TMEM132D: variants seen among roughly 807,000 people sequenced by gnomAD.
TMEM132D encodes the protein transmembrane protein 132D.
Under a neutral mutation model 62.3 loss-of-function variants are expected in TMEM132D, and 21 were observed. The observed-to-expected ratio is 0.34, with a 90% CI of 0.24 to 0.49. The LOEUF (loss-of-function observed/expected upper bound fraction) is 0.49, where lower values mean the gene tolerates loss of function less well. TMEM132D is among the 20% of genes least tolerant of loss of function. The pLI, the probability that TMEM132D is intolerant of heterozygous loss-of-function variation, is 0.99. For synonymous variants in TMEM132D, 621 were observed against 575.6 expected, an observed-to-expected ratio of 1.08 and a Z score of -1.13; for missense variants, 1,346 against 1,402.8, an observed-to-expected ratio of 0.96 and a Z score of 0.65.
chr12:129,699,721 C>G, intron 2 of TMEM132D, 89 bp downstream of exon 2: 1 of 1,516,704 alleles, frequency 6.6e-7, no homozygotes, highest in Non-Finnish European at 9.0e-7. Flanking sequence ...CTTCGGTGAG[C>G]GATAACACAG....
At chr12:129,871,390 G>A (rs967753965) in intron 1 of TMEM132D, among the ~76,000 whole-genome samples, 3 of 151,966 alleles carry the variant, frequency 2.0e-5, no homozygotes, top group African/African-American at 4.8e-5. Context: ...GTGGAAAGAG[G>A]GTGTCTCGAT....
At position 129,109,082 on chromosome 12, in the gene TMEM132D, G is replaced by A. The variant is rs1405421873; in HGVS notation, c.1444-24380C>T. ...CCAGAGATGGAAAACTACTATCACC[G>A]AACATGAACACAATTAAGTCCTTTT... On this transcript the variant is annotated intron_variant, in intron 5 of 8. Coordinates refer to ENST00000422113, the MANE Select transcript of TMEM132D (RefSeq NM_133448.3). 3.3e-5 allele frequency among the ~76,000 whole-genome samples: 5 copies of A among 152,264 alleles called. No homozygotes were observed. The South Asian group carries it at 8.3e-4, about 25-fold the overall frequency.
At chr12:129,447,377 C>A (rs1462978617) in intron 3 of TMEM132D, among the ~76,000 whole-genome samples, 1 of 152,154 alleles carries the variant, frequency 6.6e-6, no homozygotes, top group African/African-American at 2.4e-5. Context: ...CATTATTACA[C>A]TACTGTTAAG....
At chr12:129,608,644 C>T (rs1565921155) in intron 2 of TMEM132D, among the ~76,000 whole-genome samples, 2 of 152,154 alleles carry the variant, frequency 1.3e-5, no homozygotes, top group Non-Finnish European at 2.9e-5. Context: ...CTACATATTC[C>T]GTAGAAAAGC....
intron 4 of TMEM132D, among the ~76,000 whole-genome samples, chr12:129,308,049 T>G (rs1334958491): frequency 6.6e-6 from 1 of 152,168 alleles, no homozygotes; most frequent in Non-Finnish European, 1.5e-5. Flanking sequence ...TAAAATTCCC[T>G]CTATCTGCAA....
intron 4 of TMEM132D, among the ~76,000 whole-genome samples, chr12:129,287,075 G>A (rs1881322543): frequency 6.6e-6 from 1 of 151,724 alleles, no homozygotes; most frequent in African/African-American, 2.4e-5. Context: ...AAGGGGCCAG[G>A]GATTATTTGG....
chr12:129,522,254 C>G (rs1036749462), intron 3 of TMEM132D, among the ~76,000 whole-genome samples: 1 of 152,086 alleles, frequency 6.6e-6, no homozygotes, highest in Non-Finnish European at 1.5e-5. Flanking sequence ...TATATTAATA[C>G]TTAAAAAATA....
intron 5 of TMEM132D, among the ~76,000 whole-genome samples, chr12:129,119,124 C>T (rs552838052): frequency 6.6e-6 from 1 of 152,136 alleles, no homozygotes; most frequent in Non-Finnish European, 1.5e-5. Flanking sequence ...GCTGAGACCA[C>T]AGAAATGACA....
At chr12:129,297,405 T>C (rs1029379146) in intron 4 of TMEM132D, among the ~76,000 whole-genome samples, 3 of 152,138 alleles carry the variant, frequency 2.0e-5, no homozygotes, top group Admixed American at 6.5e-5. Context: ...ATTTAAGCAA[T>C]ACAGGGATTT....
At chr12:129,332,845 T>G (rs1869152264) in intron 4 of TMEM132D, among the ~76,000 whole-genome samples, 1 of 152,152 alleles carries the variant, frequency 6.6e-6, no homozygotes, top group African/African-American at 2.4e-5. Context: ...GAAATGTGGT[T>G]ACCGGTGTCT....
At chr12:129,215,805 G>A (rs1052043075) in intron 4 of TMEM132D, among the ~76,000 whole-genome samples, 1 of 152,210 alleles carries the variant, frequency 6.6e-6, no homozygotes, top group African/African-American at 2.4e-5. Context: ...TCACAGTCAT[G>A]GCGGAAGGTG....
intron 1 of TMEM132D, among the ~76,000 whole-genome samples, chr12:129,745,936 G>C (rs1165268376): frequency 2.0e-5 from 3 of 152,186 alleles, no homozygotes; most frequent in Non-Finnish European, 4.4e-5. Flanking sequence ...CCTTCGGAAG[G>C]AGAATCCTGG....
chr12:129,308,154 C>T lies in TMEM132D; in HGVS notation c.1299+29480G>A, dbSNP rs887074742. 3.3e-5 allele frequency among the ~76,000 whole-genome samples: 5 copies of T among 152,162 alleles called. 1 individual carries two copies. Among genetic ancestry groups the T allele is most frequent in the Admixed American group, 2.0e-4 (3 of 15,278 alleles). On this transcript the variant is annotated intron_variant, in intron 4 of 8. Transcript: ENST00000422113. ...ATCTGATCTTCCAAATGAAGGATTC[C>T]TCTTTACCTAATCTTTAATTCTCGA...
chr12:129,903,636 T>C lies in TMEM132D; in HGVS notation c.-297A>G. On this transcript the variant is annotated 5_prime_UTR_variant, in exon 1 of 9. Coordinates refer to ENST00000422113, the MANE Select transcript of TMEM132D (RefSeq NM_133448.3). The surrounding 1 kb of genome is among the most constrained non-coding windows in gnomAD (Gnocchi z 6.2). ...TTAAATTTTAATCCACAGGGGGTATTTCCTTTCCTGTTTACCCGAGCGAAG... is the reference window on the plus strand; with the variant it reads ...TTAAATTTTAATCCACAGGGGGTATCTCCTTTCCTGTTTACCCGAGCGAAG... 1 of 354,628 alleles carries C rather than the reference T, an allele frequency of 2.8e-6. No homozygotes were observed. The highest frequency in any genetic ancestry group is 5.1e-6 in the Non-Finnish European group (1 of 195,122). 22.0% of individuals were successfully genotyped at this position (354,628 alleles called of 1,614,324 possible).
Position 129,271,789 on chromosome 12 carries a change from T to C in TMEM132D, c.1300-62126A>G, listed in dbSNP as rs538056690. 7.9e-5 allele frequency among the ~76,000 whole-genome samples: 12 copies of C among 152,022 alleles called. No individual in the cohort carries two copies. In the East Asian group the frequency reaches 2.1e-3, roughly 27 times the overall value. On this transcript the variant is annotated intron_variant, in intron 4 of 8. Coordinates refer to ENST00000422113, the MANE Select transcript of TMEM132D (RefSeq NM_133448.3). The stretch of plus-strand genomic sequence containing the variant: ...TATTCCATGGTATATGTGTGCCACA[T>C]TTTCTTTATCAAGTCTATCATTGAT...
intron 3 of TMEM132D, among the ~76,000 whole-genome samples, chr12:129,527,249 C>A (rs996585682): frequency 2.6e-5 from 4 of 152,130 alleles, no homozygotes; most frequent in South Asian, 2.1e-4. Flanking sequence ...GCAGAGGCTG[C>A]AGTGAGCCAA....
chr12:129,218,095 A>C (rs969902349), intron 4 of TMEM132D, among the ~76,000 whole-genome samples: 3 of 152,122 alleles, frequency 2.0e-5, no homozygotes, highest in African/African-American at 7.2e-5. Flanking sequence ...CATTTGTGGC[A>C]CCTGAAAAGT....
At chr12:129,559,946 C>T (rs1877168402) in intron 2 of TMEM132D, among the ~76,000 whole-genome samples, 1 of 152,158 alleles carries the variant, frequency 6.6e-6, no homozygotes, top group Non-Finnish European at 1.5e-5. Flanking sequence ...CTGCTGGCCT[C>T]CAGTGAAAAG....
chr12:129,241,150 C>T (rs1323780612), intron 4 of TMEM132D, among the ~76,000 whole-genome samples: 1 of 95,646 alleles, frequency 1.0e-5, no homozygotes, highest in South Asian at 3.5e-4. Context: ...CCTCTTACCT[C>T]AAAAAAAAAA....
Sources: allele counts gnomAD v4.1 joint callset (sites outside exome capture counted in the v4.1 genomes callset), GRCh38; gene constraint gnomAD v4.1.1; non-coding constraint Gnocchi (gnomAD v3.1); transcripts MANE v1.5; gene names NCBI Gene and HGNC (gene_info 2026-07-23, HGNC 2026-07-21).